Variants in TPD52L1 observed in about 807,000 individuals in gnomAD.
TPD52L1 encodes TPD52 like 1, also known as tumor protein D53.
TPD52L1 carries 18 observed loss-of-function variants against 28.7 expected under a neutral mutation model. That is an observed-to-expected ratio of 0.63 (90% CI 0.43 to 0.93). TPD52L1 has a LOEUF of 0.93. Among genes scored for constraint, TPD52L1 ranks in the 40% least tolerant of loss-of-function variants. The pLI, the probability that TPD52L1 is intolerant of heterozygous loss-of-function variation, is 0.00. For synonymous variants in TPD52L1, 75 were observed against 88.8 expected (o/e 0.84, Z 0.88); for missense variants, 203 against 254.8 (o/e 0.80, Z 1.39).
chr6:125,263,028 T>C lies in TPD52L1; in HGVS notation c.*66T>C. ...CCCAGCCCATCTCTGCCTGTGCTTATCCAGATAAGAAGACCAAAATCCCGC... is the reference window on the plus strand; with the variant it reads ...CCCAGCCCATCTCTGCCTGTGCTTACCCAGATAAGAAGACCAAAATCCCGC... On this transcript the variant is annotated 3_prime_UTR_variant, in exon 7 of 7. Coordinates refer to ENST00000534000, the MANE Select transcript of TPD52L1 (RefSeq NM_003287.4). 1 of 1,515,638 alleles carries C rather than the reference T, an allele frequency of 6.6e-7. No individual in the cohort carries two copies. Among genetic ancestry groups the C allele is most frequent in the Non-Finnish European group, 8.8e-7 (1 of 1,133,090 alleles). 93.9% of individuals were successfully genotyped at this position (1,515,638 alleles called of 1,614,324 possible).
At position 125,263,889 on chromosome 6, in the gene TPD52L1, C is replaced by T. The variant is rs1385274768; in HGVS notation, c.*927C>T. 1 of 152,066 alleles carries T rather than the reference C, an allele frequency of 6.6e-6. No individual in the cohort carries two copies. Among genetic ancestry groups the T allele is most frequent in the Non-Finnish European group, 1.5e-5 (1 of 68,006 alleles). The allele number at this position is 152,066 out of a possible 1,614,324, so 9.4% of individuals were successfully genotyped here. A position where few individuals can be genotyped will look rare whatever the true frequency, so the allele number is the denominator to read the frequency against. On this transcript the variant is annotated 3_prime_UTR_variant, in exon 7 of 7. Transcript: ENST00000534000. ...AATAATAAGTAGTCAACTTTTACTG[C>T]TAATTTGGTGAACATGAGAGAGGAT...
intron 1 of TPD52L1, among the ~76,000 whole-genome samples, chr6:125,180,551 A>G (rs1338313861): frequency 6.7e-6 from 1 of 149,030 alleles, no homozygotes; most frequent in East Asian, 2.0e-4. Context: ...CCATACACAC[A>G]CACACATATA....
chr6:125,168,229 A>G (rs1224936166), intron 1 of TPD52L1, among the ~76,000 whole-genome samples: 2 of 152,188 alleles, frequency 1.3e-5, no homozygotes, highest in Non-Finnish European at 2.9e-5. Flanking sequence ...TGCAAGTACA[A>G]AACCTACCTT....
intron 1 of TPD52L1, among the ~76,000 whole-genome samples, chr6:125,217,546 TG>T (rs1562306425): frequency 6.6e-6 from 1 of 151,904 alleles, no homozygotes; most frequent in Admixed American, 6.6e-5. Flanking sequence ...AGAGCTCAGG[TG>T]GTAATGCAAG....
chr6:125,213,931 C>G (rs930473489), intron 1 of TPD52L1, among the ~76,000 whole-genome samples: 1 of 152,172 alleles, frequency 6.6e-6, no homozygotes, highest in Non-Finnish European at 1.5e-5. Context: ...AGAAAAATGA[C>G]AAGAGTTAAG....
chr6:125,172,524 A>AT (rs573060560), intron 1 of TPD52L1, among the ~76,000 whole-genome samples: 2,499 of 76,396 alleles, frequency 0.033, 134 homozygotes, highest in African/African-American at 0.037. Flanking sequence ...ATATATATAT[A>AT]TATATATATA....
intron 5 of TPD52L1, among the ~76,000 whole-genome samples, chr6:125,256,848 C>G (rs936093424): frequency 5.9e-5 from 9 of 152,232 alleles, no homozygotes; most frequent in Non-Finnish European, 8.8e-5. Flanking sequence ...GTGTCATTGC[C>G]AAATACCATA....
intron 1 of TPD52L1, among the ~76,000 whole-genome samples, chr6:125,173,446 G>T (rs1791624316): frequency 6.6e-6 from 1 of 152,146 alleles, no homozygotes; most frequent in Admixed American, 6.5e-5. Context: ...GAGGCAGCCT[G>T]ATGCAGAGAG....
In TPD52L1 at chr6:125,257,127, A is replaced by G; in HGVS notation, c.455A>G (p.Glu152Gly). ...TCTCCTACTTTCAAATCATTTGAGG[A>G]GAGGGTTGAGACAACTGTCACAAGC... ...RNSPTFKSFE[E>G]RVETTVTSLK... The change falls in exon 6 of 7, where the codon GAG becomes GGG. Residue 152 changes from glutamate to glycine, a missense_variant. Physicochemically the swap from Glu to Gly is moderately conservative, Grantham distance 98. Coordinates refer to ENST00000534000, the MANE Select transcript of TPD52L1 (RefSeq NM_003287.4). 6.2e-7 allele frequency: 1 copy of G among 1,612,220 alleles called. No homozygotes were observed. Among genetic ancestry groups the G allele is most frequent in the Non-Finnish European group, 8.5e-7 (1 of 1,178,726 alleles).
At chr6:125,237,189 G>C (rs781433238) in intron 3 of TPD52L1, among the ~76,000 whole-genome samples, 2 of 152,130 alleles carry the variant, frequency 1.3e-5, no homozygotes, top group Non-Finnish European at 2.9e-5. Flanking sequence ...ATTATGAGGA[G>C]ATAGTGCAAG....
intron 1 of TPD52L1, among the ~76,000 whole-genome samples, chr6:125,172,537 T>C (rs1177291117): frequency 2.3e-5 from 2 of 88,882 alleles, no homozygotes; most frequent in Non-Finnish European, 4.1e-5. Flanking sequence ...TATATATATA[T>C]ATATATATAT....
intron 4 of TPD52L1, chr6:125,252,653 C>A (rs1485864660): frequency 6.6e-6 from 1 of 152,086 alleles, no homozygotes; most frequent in Non-Finnish European, 1.5e-5. Flanking sequence ...CCTAAGAAAG[C>A]GGTCTATATT....
chr6:125,244,519 C>T (rs775599402), intron 3 of TPD52L1, among the ~76,000 whole-genome samples: 57 of 152,272 alleles, frequency 3.7e-4, no homozygotes, highest in Admixed American at 1.6e-3. Flanking sequence ...TCTGGCTATT[C>T]GGATAAGACA....
At chr6:125,237,949 G>A (rs1229461642) in intron 3 of TPD52L1, among the ~76,000 whole-genome samples, 4 of 152,114 alleles carry the variant, frequency 2.6e-5, no homozygotes, top group Non-Finnish European at 4.4e-5. Context: ...CGTGAGCCAC[G>A]ACGCCCAGGC....
chr6:125,253,591 T>C, intron 4 of TPD52L1, 126 bp from the exon 5 acceptor site: 1 of 844,676 alleles, frequency 1.2e-6, no homozygotes. Flanking sequence ...CTTGGTTAGA[T>C]GGGCAGGGAA....
chr6:125,161,013 C>CTGCTAATTTT (rs1790495069), intron 1 of TPD52L1, among the ~76,000 whole-genome samples: 1 of 152,060 alleles, frequency 6.6e-6, no homozygotes, highest in African/African-American at 2.4e-5. Flanking sequence ...CCACCACGCC[C>CTGCTAATTTT]TGCTAATTTT....
At chr6:125,231,662 A>G (rs1795961275) in intron 3 of TPD52L1, among the ~76,000 whole-genome samples, 1 of 152,052 alleles carries the variant, frequency 6.6e-6, no homozygotes, top group African/African-American at 2.4e-5. Flanking sequence ...CGACAAAATC[A>G]TGGACAAGGG....
intron 1 of TPD52L1, among the ~76,000 whole-genome samples, chr6:125,207,303 T>A (rs546529612): frequency 6.6e-6 from 1 of 152,328 alleles, no homozygotes; most frequent in Admixed American, 6.5e-5. Flanking sequence ...ATGAATTCTG[T>A]AACCTAACAG....
At chr6:125,193,871 T>C (rs1249010109) in intron 1 of TPD52L1, among the ~76,000 whole-genome samples, 1 of 152,144 alleles carries the variant, frequency 6.6e-6, no homozygotes, top group Admixed American at 6.5e-5. Context: ...TTGGTGGTCA[T>C]GAAGCCCTGG....
Sources: gnomAD v4.1 joint callset for allele counts (sites outside exome capture counted in the v4.1 genomes callset) on GRCh38, gnomAD v4.1.1 for gene constraint, MANE v1.5 for transcripts, NCBI Gene and HGNC (gene_info 2026-07-23, HGNC 2026-07-21) for gene names.